GALNT15: variants seen among roughly 807,000 people sequenced by gnomAD.
GALNT15 encodes UDP-GalNAc transferase T15.
Under a neutral mutation model 66.8 loss-of-function variants are expected in GALNT15, and 67 were observed. The ratio of observed to expected loss-of-function variants is 1.00; its 90% CI spans 0.82 to 1.23. The LOEUF (loss-of-function observed/expected upper bound fraction) is 1.23. Among genes scored for constraint, GALNT15 ranks in the 50% most tolerant of loss-of-function variants. GALNT15 has a pLI of 0.00. For synonymous variants in GALNT15, 313 were observed against 311.5 expected, an observed-to-expected ratio of 1.00 and a Z score of -0.05; for missense variants, 827 against 804.3, an observed-to-expected ratio of 1.03 and a Z score of -0.34.
chr3:16,198,771 G>A (rs1490699020), intron 2 of GALNT15, among the ~76,000 whole-genome samples: 1 of 141,714 alleles, frequency 7.1e-6, no homozygotes, highest in Non-Finnish European at 1.6e-5. Context: ...TGTTCACCCT[G>A]CAGAAAATCC....
intron 6 of GALNT15, among the ~76,000 whole-genome samples, chr3:16,214,934 C>T (rs2063856310): frequency 6.6e-6 from 1 of 152,220 alleles, no homozygotes; most frequent in Non-Finnish European, 1.5e-5. Context: ...TCTTGGGTTT[C>T]TTTTGGCCAA....
intron 1 of GALNT15, among the ~76,000 whole-genome samples, chr3:16,185,646 A>C (rs1211199919): frequency 7.9e-5 from 12 of 152,200 alleles, no homozygotes; most frequent in Non-Finnish European, 2.9e-5. Context: ...GGAGGAACTG[A>C]TGGATCGCAT....
Position 16,219,902 on chromosome 3 carries a change from A to G in GALNT15, c.1525-8A>G. On this transcript the variant is annotated splice_region_variant and splice_polypyrimidine_tract_variant and intron_variant, in intron 7 of 9. Transcript: ENST00000339732. This position sits in a 1 kb window ranked among gnomAD's most constrained non-coding sequence, Gnocchi z 4.3. ...GGAATTCACTCCTGTGTGTGTGTCC[A>G]CTTTCAGCTCCACAACACTGGACTT... 2 of 1,609,638 alleles carry G rather than the reference A, an allele frequency of 1.2e-6. No homozygotes were observed. The highest frequency in any genetic ancestry group is 1.7e-6 in the Non-Finnish European group (2 of 1,176,008).
At chr3:16,217,459 C>T (rs1228163638) in intron 6 of GALNT15, among the ~76,000 whole-genome samples, 3 of 152,182 alleles carry the variant, frequency 2.0e-5, no homozygotes, top group Non-Finnish European at 4.4e-5. Flanking sequence ...AGTGACATTC[C>T]TACTTCCCTG....
the GALNT15 span, among the ~76,000 whole-genome samples, chr3:16,238,435 T>A: frequency 6.6e-6 from 1 of 152,146 alleles, no homozygotes. The surrounding 1 kb of genome is among the most constrained non-coding windows in gnomAD (Gnocchi z 4.8). Flanking sequence ...ACTATTGTAA[T>A]GTTGTTACAA....
chr3:16,185,982 A>G (rs2063513075), intron 1 of GALNT15, among the ~76,000 whole-genome samples: 1 of 152,192 alleles, frequency 6.6e-6, no homozygotes, highest in African/African-American at 2.4e-5. Flanking sequence ...TGGTGCTTCA[A>G]AAGATGTCAT....
intron 3 of GALNT15, among the ~76,000 whole-genome samples, chr3:16,207,501 TAAAAAAAAAAAAAAAAAAAAA>T (rs36127239): frequency 1.8e-4 from 7 of 39,802 alleles, no homozygotes; most frequent in Admixed American, 4.5e-4. Flanking sequence ...CTCCAGGCTG[TAAAAAAAAAAAAAAAAAAAAA>T]AAAAAAAAAA....
In GALNT15 at chr3:16,206,734, T is replaced by C. The variant is rs115347011; in HGVS notation, c.912-1769T>C. On this transcript the variant is annotated intron_variant, in intron 3 of 9. Coordinates refer to ENST00000339732, the MANE Select transcript of GALNT15 (RefSeq NM_054110.5). ...ACACAGCATAGAGGTCTAGGATGAA[T>C]TGATTGCAGGAATGCTTGAATACAA... Among the ~76,000 whole-genome samples, 1,032 of 150,282 alleles carry C rather than the reference T, an allele frequency of 6.9e-3. 14 individuals are homozygous for C. Among genetic ancestry groups the C allele is most frequent in the African/African-American group, 0.022 (913 of 40,896 alleles).
Position 16,175,315 on chromosome 3 carries a change from C to T in GALNT15, c.164C>T (p.Ala55Val). 2 of 1,614,188 alleles carry T rather than the reference C, an allele frequency of 1.2e-6. No individual in the cohort carries two copies. Among genetic ancestry groups the T allele is most frequent in the Non-Finnish European group, 1.7e-6 (2 of 1,180,042 alleles). ...CAAGCCAGCAAGCACAGCCCTGAAG[C>T]CAGGTACCGCCTGGACTTTGGGGAA... ...TAQASKHSPEARYRLDFGESQ... is the reference protein window; with the variant it reads ...TAQASKHSPEVRYRLDFGESQ... Residue 55 changes from alanine to valine, a missense_variant, in exon 1 of 10, where the codon GCC (alanine) becomes GTC (valine). Coordinates refer to ENST00000339732, the MANE Select transcript of GALNT15 (RefSeq NM_054110.5). This position sits in a 1 kb window ranked among gnomAD's most constrained non-coding sequence, Gnocchi z 5.6.
downstream of GALNT15, chr3:16,232,115 A>G (rs1575004771): frequency 6.7e-6 from 4 of 593,872 alleles, no homozygotes; most frequent in East Asian, 1.2e-4. Context: ...AAATTCTCCA[A>G]CCCAAACCAT....
At position 16,215,978 on chromosome 3, in the gene GALNT15, C is replaced by G. The variant is rs537927080; in HGVS notation, c.1392+3215C>G. On this transcript the variant is annotated intron_variant, in intron 6 of 9. Transcript: ENST00000339732. ...GCTCAATAAATGTTCCACAGACTTACAAGCTCAAAAAGGGCAGGAAGAGTA... is the reference window on the plus strand; with the variant it reads ...GCTCAATAAATGTTCCACAGACTTAGAAGCTCAAAAAGGGCAGGAAGAGTA... 7.3e-5 allele frequency among the ~76,000 whole-genome samples: 11 copies of G among 150,646 alleles called. No homozygotes were observed. In the South Asian group the frequency reaches 1.9e-3, roughly 26 times the overall value.
chr3:16,195,799 C>T lies in GALNT15; in HGVS notation c.579C>T (p.Ala193=). The T allele has an allele frequency of 6.2e-7, 1 of 1,613,900 alleles. No homozygotes were observed. Among genetic ancestry groups the T allele is most frequent in the African/African-American group, 1.3e-5 (1 of 75,026 alleles). The part of the protein sequence containing the change: ...QQHPQDSLPT[A]SVILCFHDEA... ...ACCCTCAGGACAGCCTGCCCACAGCCAGCGTCATCCTCTGTTTCCATGATG... is the reference window on the plus strand; with the variant it reads ...ACCCTCAGGACAGCCTGCCCACAGCTAGCGTCATCCTCTGTTTCCATGATG... The change falls in exon 2 of 10, where the codon GCC becomes GCT. Residue 193 remains alanine, a synonymous_variant. Transcript: ENST00000339732. The surrounding 1 kb of genome is among the most constrained non-coding windows in gnomAD (Gnocchi z 4.6).
intron 6 of GALNT15, among the ~76,000 whole-genome samples, chr3:16,216,928 G>A (rs1206188180): frequency 1.3e-5 from 2 of 151,534 alleles, no homozygotes; most frequent in African/African-American, 2.4e-5. Context: ...GGAGACTGCC[G>A]TTCCCTGGTG....
In GALNT15 at chr3:16,220,003, C is replaced by CGTG. The variant is rs747752717; in HGVS notation, c.1619_1620insTGG (p.Arg540_Gln541insGly). ...GGTGTTGGCTCCTTGCAGTGACAGCCGGCAGCAACAGGTGGGTAGTCAGAC... is the reference window on the plus strand; with the variant it reads ...GGTGTTGGCTCCTTGCAGTGACAGCCGTGGGCAGCAACAGGTGGGTAGTCAGAC... On this transcript the variant is annotated inframe_insertion, in exon 8 of 10. Transcript: ENST00000339732. The CGTG allele has an allele frequency of 1.9e-6, 3 of 1,613,606 alleles. No homozygotes were observed. The highest frequency in any genetic ancestry group is 2.5e-6 in the Non-Finnish European group (3 of 1,179,630).
chr3:16,246,798 A>G, the GALNT15 span, among the ~76,000 whole-genome samples: 1 of 152,380 alleles, frequency 6.6e-6, no homozygotes, highest in South Asian at 2.1e-4. Context: ...ATAGCAATAA[A>G]TAATTGAAAT....
In GALNT15 at chr3:16,208,593, C is replaced by T. The variant is rs1473595564; in HGVS notation, c.1002C>T (p.Asp334=). Reference sequence around the variant, plus strand: ...AGGACCTGCAGCGTGGGGTGTTGGACTGGAAGCTGGATTTCCACTGGGAAC... The same window carrying T: ...AGGACCTGCAGCGTGGGGTGTTGGATTGGAAGCTGGATTTCCACTGGGAAC... ...PSKDLQRGVL[D]WKLDFHWEPL... is the part of the protein sequence containing the mutation. The change falls in exon 4 of 10, where the codon GAC becomes GAT. Residue 334 remains aspartate, a synonymous_variant. Transcript: ENST00000339732. 1.9e-6 allele frequency: 3 copies of T among 1,614,134 alleles called. No individual in the cohort carries two copies. The African/African-American group carries it at 4.0e-5, about 22-fold the overall frequency.
rs978580472 is a variant in GALNT15, at chr3:16,224,445, A to T, written c.1773+1687A>T. Among the ~76,000 whole-genome samples the T allele has an allele frequency of 6.6e-6, 1 of 152,220 alleles. No individual in the cohort carries two copies. Among genetic ancestry groups the T allele is most frequent in the African/African-American group, 2.4e-5 (1 of 41,458 alleles). The stretch of plus-strand genomic sequence containing the variant: ...AACTGTATGATTCCACTTTTATGAG[A>T]TATCTAAAGTAGTCAAATTAATAGA... On this transcript the variant is annotated intron_variant, in intron 9 of 9. Coordinates refer to ENST00000339732, the MANE Select transcript of GALNT15 (RefSeq NM_054110.5). This position sits in a 1 kb window ranked among gnomAD's most constrained non-coding sequence, Gnocchi z 5.2.
intron 3 of GALNT15, among the ~76,000 whole-genome samples, chr3:16,201,997 C>T (rs749707165): frequency 1.3e-5 from 2 of 152,258 alleles, no homozygotes; most frequent in East Asian, 1.9e-4. Flanking sequence ...TAGAACCAAG[C>T]CTTATGACTT....
At position 16,209,908 on chromosome 3, in the gene GALNT15, A is replaced by G. The variant is rs554044362; in HGVS notation, c.1080-1216A>G. 4.6e-5 allele frequency among the ~76,000 whole-genome samples: 7 copies of G among 152,334 alleles called. No individual in the cohort carries two copies. The South Asian group carries it at 1.5e-3, about 32-fold the overall frequency. ...TGTCTGCATTGGCCTTATTTATCCC[A>G]CTTACTGCTTACTGTGAAAATATGT... On this transcript the variant is annotated intron_variant, in intron 4 of 9. Transcript: ENST00000339732. This position sits in a 1 kb window ranked among gnomAD's most constrained non-coding sequence, Gnocchi z 4.1.
Sources: gnomAD v4.1 joint callset for allele counts (sites outside exome capture counted in the v4.1 genomes callset) on GRCh38, gnomAD v4.1.1 for gene constraint, Gnocchi (gnomAD v3.1) non-coding constraint, MANE v1.5 for transcripts, NCBI Gene and HGNC (gene_info 2026-07-23, HGNC 2026-07-21) for gene names.